The following SNX29 variants were observed in gnomAD, a reference collection of about 807,000 sequenced individuals.
SNX29 encodes sorting nexin-29.
In SNX29, 78 loss-of-function variants were observed where a neutral mutation model predicts 102.1. The ratio of observed to expected loss-of-function variants is 0.76; its 90% CI spans 0.64 to 0.92. The LOEUF (loss-of-function observed/expected upper bound fraction) is 0.92. Ranked by LOEUF, SNX29 falls within the 40% of genes least tolerant of loss-of-function variation. The pLI is 0.00. For synonymous variants in SNX29, 580 were observed against 414.5 expected, an observed-to-expected ratio of 1.40 and a Z score of -4.85; for missense variants, 1,280 against 1,061.7, an observed-to-expected ratio of 1.21 and a Z score of -2.86.
chr16:11,998,429 T>G (rs1436582490), intron 1 of SNX29, among the ~76,000 whole-genome samples: 1 of 152,180 alleles, frequency 6.6e-6, no homozygotes, highest in East Asian at 1.9e-4. Context: ...GGAATGCTTT[T>G]GGATGCAAGT....
intron 19 of SNX29, among the ~76,000 whole-genome samples, chr16:12,512,530 C>G (rs2089678505): frequency 6.6e-6 from 1 of 151,046 alleles, no homozygotes; most frequent in Non-Finnish European, 1.5e-5. Context: ...CTTTCCACCT[C>G]CCATGGGGTT....
rs74580605 is a variant in SNX29 at position 12,471,817 on chromosome 16, A to G, written c.2038-5902A>G. 8.3e-3 allele frequency among the ~76,000 whole-genome samples: 1,260 copies of G among 152,368 alleles called. 21 individuals are homozygous for G. Among genetic ancestry groups the G allele is most frequent in the African/African-American group, 0.028 (1,185 of 41,580 alleles). ...CTTTATAACCACTGCCCAGATATAG[A>G]TCCTGGATGTTTCCAGCACCCAGAA... On this transcript the variant is annotated intron_variant, in intron 18 of 20. Coordinates refer to ENST00000566228, the MANE Select transcript of SNX29 (RefSeq NM_032167.5).
chr16:12,117,054 G>A (rs187826233), intron 11 of SNX29, among the ~76,000 whole-genome samples: 17 of 131,728 alleles, frequency 1.3e-4, no homozygotes, highest in East Asian at 1.2e-3. Context: ...TGTTCAATAC[G>A]TGCTTCAATG....
chr16:12,246,161 A>G, intron 14 of SNX29, among the ~76,000 whole-genome samples: 1 of 152,038 alleles, frequency 6.6e-6, no homozygotes, highest in East Asian at 1.9e-4. Context: ...CTTCCGTTGG[A>G]GTCTGTAATT....
intron 18 of SNX29, among the ~76,000 whole-genome samples, chr16:12,438,393 C>G (rs767347958): frequency 1.1e-4 from 17 of 152,124 alleles, no homozygotes; most frequent in African/African-American, 1.7e-4. Flanking sequence ...TCCTTTCCCC[C>G]TTACCACCCA....
chr16:11,988,309 A>AG (rs2055713388), intron 1 of SNX29, among the ~76,000 whole-genome samples: 2 of 151,814 alleles, frequency 1.3e-5, no homozygotes, highest in East Asian at 3.9e-4. Context: ...AAAAAAAAAA[A>AG]AGTTTATTGG....
intron 20 of SNX29, among the ~76,000 whole-genome samples, chr16:12,538,690 C>T (rs775592448): frequency 6.4e-4 from 98 of 152,072 alleles, no homozygotes; most frequent in Non-Finnish European, 3.4e-4. Context: ...CTCCCAGGAC[C>T]AGTGGGCGAG....
In SNX29 at chr16:12,569,283, C is replaced by G. The variant is rs552568709; in HGVS notation, c.*654C>G. 6 of 229,236 alleles carry G rather than the reference C, an allele frequency of 2.6e-5. No individual in the cohort carries two copies. The East Asian group carries it at 3.7e-4, about 14-fold the overall frequency. 14.2% of individuals were successfully genotyped at this position (229,236 alleles called of 1,614,324 possible). On this transcript the variant is annotated 3_prime_UTR_variant, in exon 21 of 21. Transcript: ENST00000566228. ...GCAACTTGAGTTCAGAGAACTTCCC[C>G]TACCTCCCCCATGGCTGGCTTCAGG...
chr16:12,145,125 G>GA (rs2055013167), intron 13 of SNX29, among the ~76,000 whole-genome samples: 1 of 151,678 alleles, frequency 6.6e-6, no homozygotes, highest in African/African-American at 2.4e-5. Context: ...TTCAGATTAA[G>GA]ATATACACAA....
chr16:12,359,735 A>G (rs1431590518), intron 16 of SNX29, among the ~76,000 whole-genome samples: 4 of 152,238 alleles, frequency 2.6e-5, no homozygotes, highest in Admixed American at 2.6e-4. Flanking sequence ...TTGGATGTAT[A>G]TCCAATCCAT....
At chr16:12,564,275 C>G (rs1178430168) in intron 20 of SNX29, among the ~76,000 whole-genome samples, 2 of 152,168 alleles carry the variant, frequency 1.3e-5, no homozygotes, top group Non-Finnish European at 2.9e-5. Context: ...GATGCCTCTA[C>G]CAGTAAAAGT....
chr16:12,494,410 C>T (rs145550254), intron 19 of SNX29, among the ~76,000 whole-genome samples: 120 of 152,298 alleles, frequency 7.9e-4, no homozygotes, highest in Middle Eastern at 3.4e-3. Flanking sequence ...CACTGAGAGA[C>T]GGGCATGGCC....
At chr16:12,351,800 C>A (rs2081998552) in intron 15 of SNX29, among the ~76,000 whole-genome samples, 1 of 152,142 alleles carries the variant, frequency 6.6e-6, no homozygotes, top group Admixed American at 6.5e-5. Context: ...TTTCCCCCAT[C>A]TTTTAGGCCA....
rs755249278 is a variant in SNX29 at position 12,278,032 on chromosome 16, T to A, written c.1778T>A (p.Ile593Asn). Residue 593 changes from isoleucine (I) to asparagine (N), a missense_variant, in exon 15 of 21, where the codon ATC becomes AAC. Transcript: ENST00000566228. Reference protein sequence around the residue: ...ELASSYERKLIEVAEMHGELI... With the variant: ...ELASSYERKLNEVAEMHGELI... ...GCAAGCTCCTACGAAAGAAAGCTCA[T>A]CGAGGTAAGGCCGGTGGAGTCTGTG... 6.3e-7 allele frequency: 1 copy of A among 1,597,442 alleles called. No individual in the cohort carries two copies. Among genetic ancestry groups the A allele is most frequent in the East Asian group, 2.3e-5 (1 of 44,288 alleles).
In SNX29 at chr16:12,573,084, A is replaced by G. The variant is rs995637472; in HGVS notation, c.*4455A>G. 4.3e-6 allele frequency: 1 copy of G among 230,722 alleles called. No homozygotes were observed. Among genetic ancestry groups the G allele is most frequent in the Non-Finnish European group, 8.5e-6 (1 of 117,080 alleles). The allele number at this position is 230,722 out of a possible 1,614,324, so 14.3% of individuals were successfully genotyped here. A position where few individuals can be genotyped will look rare whatever the true frequency, so the allele number is the denominator to read the frequency against. On this transcript the variant is annotated 3_prime_UTR_variant, in exon 21 of 21. Transcript: ENST00000566228. ...GTATATTTTATCTCATTTCTGTGCC[A>G]AGAAAGTTCATCTTTATGTTTTTCT...
intron 11 of SNX29, among the ~76,000 whole-genome samples, chr16:12,121,545 A>T (rs1237887441): frequency 6.6e-6 from 1 of 152,230 alleles, no homozygotes; most frequent in Admixed American, 6.5e-5. Context: ...GAGTCACCTT[A>T]GGCTACAGGG....
intron 20 of SNX29, chr16:12,546,365 G>A (rs1294782159): frequency 2.0e-5 from 3 of 152,076 alleles, no homozygotes; most frequent in Admixed American, 1.3e-4. Flanking sequence ...GGCTGGGGAG[G>A]CCTCACAATC....
intron 3 of SNX29, among the ~76,000 whole-genome samples, chr16:12,022,292 C>G (rs2057051408): frequency 1.3e-5 from 2 of 151,728 alleles, no homozygotes; most frequent in African/African-American, 4.8e-5. Context: ...CCTCCGCCTC[C>G]CGGGTTCAAG....
At chr16:12,135,419 C>A in intron 13 of SNX29, 1 of 934,336 alleles carries the variant, frequency 1.1e-6, no homozygotes, top group Non-Finnish European at 1.5e-6. Flanking sequence ...CCACCCAGGC[C>A]TGGACAGTTG....
Sources: gnomAD v4.1 joint callset for allele counts (sites outside exome capture counted in the v4.1 genomes callset) on GRCh38, gnomAD v4.1.1 for gene constraint, MANE v1.5 for transcripts, NCBI Gene and HGNC (gene_info 2026-07-23, HGNC 2026-07-21) for gene names.